RAVER2: variants seen among roughly 807,000 people sequenced by gnomAD.
RAVER2 encodes the protein ribonucleoprotein, PTB binding 2, also known as ribonucleoprotein PTB-binding 2.
A neutral mutation model predicts 78.1 loss-of-function variants in RAVER2; 46 were observed. The observed-to-expected ratio is 0.59, with a 90% CI of 0.46 to 0.75. The LOEUF is 0.75. RAVER2 is among the 30% of genes least tolerant of loss of function. The pLI, the probability that RAVER2 is intolerant of heterozygous loss-of-function variation, is 0.00. For synonymous variants in RAVER2, 311 were observed against 313.3 expected (o/e 0.99, Z 0.08); for missense variants, 793 against 837.5 (o/e 0.95, Z 0.66).
chr1:64,766,757 A>G (rs1343242420), intron 1 of RAVER2, among the ~76,000 whole-genome samples: 1 of 152,138 alleles, frequency 6.6e-6, no homozygotes, highest in Non-Finnish European at 1.5e-5. Context: ...ATTAGATTCT[A>G]TGCAACTAAA....
intron 1 of RAVER2, among the ~76,000 whole-genome samples, chr1:64,765,608 A>C (rs1298479567): frequency 6.6e-6 from 1 of 152,180 alleles, no homozygotes; most frequent in Non-Finnish European, 1.5e-5. Context: ...ACAGACCTAC[A>C]TGTGAGGAGG....
chr1:64,787,964 G>A (rs559385231), intron 4 of RAVER2, among the ~76,000 whole-genome samples: 2 of 152,256 alleles, frequency 1.3e-5, no homozygotes, highest in Non-Finnish European at 2.9e-5. Context: ...TTGGGAGAAG[G>A]TTCCAGTTGT....
intron 9 of RAVER2, among the ~76,000 whole-genome samples, chr1:64,809,079 T>G (rs907127552): frequency 6.6e-6 from 1 of 152,164 alleles, no homozygotes; most frequent in African/African-American, 2.4e-5. Flanking sequence ...TTGTTAAAGC[T>G]ATTTAAAGAG....
At chr1:64,804,934 C>A in intron 7 of RAVER2, 57 bp from the exon 8 acceptor site, 1 of 1,558,426 alleles carries the variant, frequency 6.4e-7, no homozygotes, top group African/African-American at 1.4e-5. Flanking sequence ...ACGTGTGTAG[C>A]TTTTTTTAGG....
chr1:64,760,328 A>C (rs577870655), intron 1 of RAVER2, among the ~76,000 whole-genome samples: 1 of 152,306 alleles, frequency 6.6e-6, no homozygotes, highest in Admixed American at 6.5e-5. Flanking sequence ...CCTTCTCCCA[A>C]GGGAGACAAC....
intron 11 of RAVER2, among the ~76,000 whole-genome samples, chr1:64,829,537 A>G (rs1654076017): frequency 6.6e-6 from 1 of 152,232 alleles, no homozygotes; most frequent in Admixed American, 6.5e-5. Context: ...TTTTTGGGGC[A>G]GAGGCTCCAC....
At chr1:64,805,027 C>A in exon 8 of RAVER2, 17 of 1,613,850 alleles carry the variant, frequency 1.1e-5, no homozygotes, top group Non-Finnish European at 1.4e-5. Context: ...AGCTGTGGTA[C>A]TTCAGACTGC....
At chr1:64,781,098 A>G (rs188618732) in intron 3 of RAVER2, among the ~76,000 whole-genome samples, 8 of 152,278 alleles carry the variant, frequency 5.3e-5, no homozygotes, top group African/African-American at 1.7e-4. Context: ...ACCAGTTTAT[A>G]TATTTCTTAA....
At chr1:64,784,530 T>A (rs991485431) in intron 4 of RAVER2, among the ~76,000 whole-genome samples, 2 of 152,182 alleles carry the variant, frequency 1.3e-5, no homozygotes, top group Non-Finnish European at 2.9e-5. Context: ...GCCTTCTCAT[T>A]TTCTTCCTGT....
At chr1:64,813,051 C>A (rs1242881797) in intron 10 of RAVER2, among the ~76,000 whole-genome samples, 1 of 152,156 alleles carries the variant, frequency 6.6e-6, no homozygotes, top group Admixed American at 6.5e-5. Context: ...CATTACAACT[C>A]ATAGAGAGTC....
exon 12 of RAVER2, chr1:64,831,695 A>G (rs1654137931): frequency 2.0e-5 from 3 of 152,328 alleles, no homozygotes; most frequent in East Asian, 1.9e-4. Flanking sequence ...CTGGGTCCAC[A>G]TTTGGTCTAC....
chr1:64,766,109 G>A (rs1652167735), intron 1 of RAVER2, among the ~76,000 whole-genome samples: 1 of 152,166 alleles, frequency 6.6e-6, no homozygotes, highest in Non-Finnish European at 1.5e-5. Context: ...TGTCACTTCA[G>A]CAGGTGACAC....
At chr1:64,823,148 A>G (rs1469092802) in intron 11 of RAVER2, among the ~76,000 whole-genome samples, 1 of 152,226 alleles carries the variant, frequency 6.6e-6, no homozygotes, top group Non-Finnish European at 1.5e-5. Context: ...TGAATCAACA[A>G]ATTTTGGACT....
At chr1:64,767,426 A>G (rs895549697) in intron 1 of RAVER2, among the ~76,000 whole-genome samples, 1 of 152,066 alleles carries the variant, frequency 6.6e-6, no homozygotes, top group Admixed American at 6.6e-5. Flanking sequence ...GTCCTTGGCA[A>G]CTTTACTCTG....
intron 11 of RAVER2, among the ~76,000 whole-genome samples, 172 bp from the exon 12 acceptor site, chr1:64,830,667 A>T (rs1654104830): frequency 6.6e-6 from 1 of 152,242 alleles, no homozygotes; most frequent in Admixed American, 6.5e-5. Context: ...GTTGATACAG[A>T]AATTTAAAAG....
intron 11 of RAVER2, among the ~76,000 whole-genome samples, chr1:64,829,936 TGA>T (rs1026152886): frequency 3.9e-5 from 6 of 152,110 alleles, no homozygotes; most frequent in Non-Finnish European, 7.4e-5. Flanking sequence ...AGCAAGGAGT[TGA>T]GAGAGACCTA....
intron 1 of RAVER2, among the ~76,000 whole-genome samples, chr1:64,755,129 G>T (rs1651816215): frequency 6.6e-6 from 1 of 152,088 alleles, no homozygotes; most frequent in African/African-American, 2.4e-5. Context: ...TTTATTAAAA[G>T]TCAAACATTG....
rs141396077 is a variant in RAVER2 at position 64,805,860 on chromosome 1, G to A, written c.1411+755G>A. Among the ~76,000 whole-genome samples, 13 of 152,288 alleles carry A rather than the reference G, an allele frequency of 8.5e-5. No homozygotes were observed. The East Asian group carries it at 2.3e-3, about 27-fold the overall frequency. ...AAAGTTAAGCCAGTGAAGAAATTTT[G>A]TGATATCATGGGGTCTGTATTTCCA... On this transcript the variant is annotated intron_variant, in intron 8 of 11. Coordinates refer to ENST00000294428, the Ensembl canonical transcript of RAVER2.
At chr1:64,824,097 G>A (rs923442310) in intron 11 of RAVER2, among the ~76,000 whole-genome samples, 2 of 152,192 alleles carry the variant, frequency 1.3e-5, no homozygotes, top group African/African-American at 2.4e-5. Context: ...ATGTGCCACC[G>A]CGCCCGGCCT....
Sources: allele counts gnomAD v4.1 joint callset (sites outside exome capture counted in the v4.1 genomes callset), GRCh38; gene constraint gnomAD v4.1.1; transcripts MANE v1.5; gene names NCBI Gene and HGNC (gene_info 2026-07-23, HGNC 2026-07-21).